NBAS: variants seen among roughly 807,000 people sequenced by gnomAD.
NBAS encodes the protein NAG/BC035112 fusion.
In NBAS, 219 loss-of-function variants were observed where a neutral mutation model predicts 302.5. The ratio of observed to expected loss-of-function variants is 0.72; its 90% CI spans 0.65 to 0.81. NBAS has a LOEUF of 0.81. NBAS is among the 30% of genes least tolerant of loss of function. The pLI is 0.00. For missense variants in NBAS, 2,932 were observed against 2,841.6 expected, an observed-to-expected ratio of 1.03 and a Z score of -0.72; for synonymous variants, 1,118 against 1,021.6, an observed-to-expected ratio of 1.09 and a Z score of -1.80.
intron 30 of NBAS, among the ~76,000 whole-genome samples, chr2:15,376,142 T>C (rs1167062722): frequency 3.9e-5 from 6 of 152,196 alleles, no homozygotes; most frequent in Non-Finnish European, 8.8e-5. Flanking sequence ...TCCTCAACAA[T>C]TTATTTATAA....
At chr2:15,044,043 T>C in the NBAS span, among the ~76,000 whole-genome samples, 125,150 of 152,216 alleles carry the variant, frequency 0.82, 51,802 homozygotes, top group East Asian at 0.99. Context: ...AATGAATCAA[T>C]GAATGAAGTT....
rs141456058 is a variant in NBAS, at chr2:15,451,055, T to C, written c.2339+10146A>G. 2.7e-3 allele frequency among the ~76,000 whole-genome samples: 411 copies of C among 151,114 alleles called. 1 individual carries two copies. Among genetic ancestry groups the C allele is most frequent in the African/African-American group, 9.4e-3 (381 of 40,650 alleles). Reference sequence around the variant, plus strand: ...TCATTCATTCATTCATTCATCCATTTATTTATTTATTTATTTGACAGAGTC... The same window carrying C: ...TCATTCATTCATTCATTCATCCATTCATTTATTTATTTATTTGACAGAGTC... On this transcript the variant is annotated intron_variant, in intron 21 of 51. Coordinates refer to ENST00000281513, the MANE Select transcript of NBAS (RefSeq NM_015909.4).
chr2:15,228,853 T>C (rs992298394), intron 47 of NBAS, among the ~76,000 whole-genome samples: 2 of 152,170 alleles, frequency 1.3e-5, no homozygotes, highest in East Asian at 3.8e-4. Context: ...GGACGGTCAA[T>C]AGGCACAAAG....
intron 45 of NBAS, among the ~76,000 whole-genome samples, chr2:15,237,622 G>A (rs1438146181): frequency 1.3e-5 from 2 of 149,588 alleles, no homozygotes; most frequent in Middle Eastern, 3.2e-3. Context: ...CTGAGACAGA[G>A]TCTCGCTCTG....
intron 27 of NBAS, among the ~76,000 whole-genome samples, chr2:15,395,217 A>C (rs559618399): frequency 2.0e-5 from 3 of 152,088 alleles, no homozygotes; most frequent in Non-Finnish European, 4.4e-5. Context: ...CCATGGTTAC[A>C]ACCAGACATG....
At chr2:15,318,828 TAGAC>T (rs1314536933) in intron 38 of NBAS, among the ~76,000 whole-genome samples, 3 of 152,126 alleles carry the variant, frequency 2.0e-5, no homozygotes, top group East Asian at 3.9e-4. Context: ...CTGTCAATAT[TAGAC>T]AGATCAACGA....
At chr2:15,111,798 A>G in the NBAS span, among the ~76,000 whole-genome samples, 2 of 151,320 alleles carry the variant, frequency 1.3e-5, no homozygotes, top group African/African-American at 4.8e-5. Context: ...TCTACCTCTC[A>G]TTAAAATAAT....
At chr2:15,035,971 A>C in the NBAS span, among the ~76,000 whole-genome samples, 1 of 151,252 alleles carries the variant, frequency 6.6e-6, no homozygotes, top group Non-Finnish European at 1.5e-5. Context: ...CCTATGTAAC[A>C]AACCTGCACC....
intron 26 of NBAS, among the ~76,000 whole-genome samples, chr2:15,400,986 T>C (rs1213799939): frequency 6.6e-6 from 1 of 152,190 alleles, no homozygotes; most frequent in Non-Finnish European, 1.5e-5. Context: ...TAAACAACTT[T>C]AGCAAAAATA....
the NBAS span, among the ~76,000 whole-genome samples, chr2:15,143,118 G>A: frequency 6.6e-6 from 1 of 152,190 alleles, no homozygotes; most frequent in Non-Finnish European, 1.5e-5. Flanking sequence ...AGAAGATCTG[G>A]AAGCCTACTG....
the NBAS span, among the ~76,000 whole-genome samples, chr2:14,942,330 T>A: frequency 1.3e-5 from 2 of 152,106 alleles, no homozygotes; most frequent in South Asian, 4.2e-4. Context: ...GGGAGTGGAT[T>A]TCTCATGAGT....
intron 41 of NBAS, among the ~76,000 whole-genome samples, chr2:15,287,416 A>G (rs1399228859): frequency 6.6e-6 from 1 of 152,192 alleles, no homozygotes; most frequent in Non-Finnish European, 1.5e-5. Flanking sequence ...GTAGTTCTCA[A>G]CTGTGGATGA....
Position 15,402,152 on chromosome 2 carries a change from T to C in NBAS, c.3071+16A>G, listed in dbSNP as rs1270151711. 1.2e-6 allele frequency: 2 copies of C among 1,613,178 alleles called. No individual in the cohort carries two copies. Among genetic ancestry groups the C allele is most frequent in the African/African-American group, 1.3e-5 (1 of 74,920 alleles). On this transcript the variant is annotated intron_variant, in intron 26 of 51. Coordinates refer to ENST00000281513, the MANE Select transcript of NBAS (RefSeq NM_015909.4). ...ATAAAAAAACACAATAAGACTGGCA[T>C]ACTGTGTATTCTTACCCATATCCTC...
At chr2:14,794,698 G>T in the NBAS span, among the ~76,000 whole-genome samples, 1 of 152,056 alleles carries the variant, frequency 6.6e-6, no homozygotes, top group East Asian at 1.9e-4. Context: ...AATCAAGATG[G>T]TGAACAATCC....
At position 15,461,354 on chromosome 2, in the gene NBAS, G is replaced by A. The variant is rs1679499579; in HGVS notation, c.2203-17C>T. ...ATTACTTTCCTGTACAAAAGGCAAGGGGTAAGTTTCTAATGTAAATCTAAG... is the reference window on the plus strand; with the variant it reads ...ATTACTTTCCTGTACAAAAGGCAAGAGGTAAGTTTCTAATGTAAATCTAAG... On this transcript the variant is annotated splice_polypyrimidine_tract_variant and intron_variant, in intron 20 of 51. Transcript: ENST00000281513. 1 of 1,609,286 alleles carries A rather than the reference G, an allele frequency of 6.2e-7. No individual in the cohort carries two copies. The highest frequency in any genetic ancestry group is 1.3e-5 in the African/African-American group (1 of 74,864).
At chr2:15,228,991 T>C (rs1483985247) in intron 47 of NBAS, among the ~76,000 whole-genome samples, 5 of 152,206 alleles carry the variant, frequency 3.3e-5, no homozygotes, top group African/African-American at 4.8e-5. Context: ...CACAAAGAAA[T>C]GATACATGTT....
At chr2:15,222,903 A>G (rs7571485) in intron 47 of NBAS, among the ~76,000 whole-genome samples, 44,013 of 152,156 alleles carry the variant, frequency 0.29, 6,980 homozygotes, top group African/African-American at 0.43. Context: ...TTCCTTTTAC[A>G]TTAGAACTTA....
chr2:14,916,708 C>G, the NBAS span, among the ~76,000 whole-genome samples: 1 of 152,176 alleles, frequency 6.6e-6, no homozygotes, highest in East Asian at 1.9e-4. Context: ...GCTACTAAGC[C>G]CTGTTTGATA....
chr2:15,104,118 G>T, the NBAS span, among the ~76,000 whole-genome samples: 3 of 152,116 alleles, frequency 2.0e-5, no homozygotes, highest in Admixed American at 1.3e-4. Context: ...TACTGTTTTT[G>T]TGGTAGTGAA....
Sources: gnomAD v4.1 joint callset for allele counts (sites outside exome capture counted in the v4.1 genomes callset) on GRCh38, gnomAD v4.1.1 for gene constraint, MANE v1.5 for transcripts, NCBI Gene and HGNC (gene_info 2026-07-23, HGNC 2026-07-21) for gene names.